Variants in CDYL observed in about 807,000 individuals in gnomAD.
CDYL encodes chromodomain Y like, also known as chromodomain Y-like protein.
A neutral mutation model predicts 47.3 loss-of-function variants in CDYL; 8 were observed. The ratio of observed to expected loss-of-function variants is 0.17; its 90% confidence interval spans 0.10 to 0.31. The LOEUF is 0.31. CDYL is among the 10% of genes least tolerant of loss of function. The probability of loss-of-function intolerance (pLI) is 1.00; values close to 1 mark genes in which losing one functional copy is unlikely to be tolerated. For synonymous variants in CDYL, 266 were observed against 265.0 expected, an observed-to-expected ratio of 1.00 and a Z score of -0.04; for missense variants, 471 against 701.4, an observed-to-expected ratio of 0.67 and a Z score of 3.71.
intron 1 of CDYL, among the ~76,000 whole-genome samples, chr6:4,791,583 C>T (rs538920011): frequency 6.6e-6 from 1 of 152,324 alleles, no homozygotes; most frequent in African/African-American, 2.4e-5. Flanking sequence ...CTTGAACTAG[C>T]TGACATCCAC....
chr6:4,880,669 C>G (rs1761739800), intron 1 of CDYL, among the ~76,000 whole-genome samples: 2 of 152,314 alleles, frequency 1.3e-5, no homozygotes, highest in South Asian at 4.1e-4. Context: ...GTGGGCCTTT[C>G]TATTGCTCCA....
At chr6:4,934,410 G>A (rs1758125273) in intron 2 of CDYL, among the ~76,000 whole-genome samples, 2 of 152,050 alleles carry the variant, frequency 1.3e-5, no homozygotes, top group Admixed American at 1.3e-4. Flanking sequence ...GTTTTGCCAG[G>A]GAGGTTATTT....
intron 2 of CDYL, among the ~76,000 whole-genome samples, chr6:4,897,949 C>T (rs1012955009): frequency 1.3e-5 from 2 of 151,664 alleles, no homozygotes; most frequent in South Asian, 2.1e-4. Flanking sequence ...CCCAGCTACT[C>T]GGGAGGCTGA....
At chr6:4,892,417 C>T in intron 2 of CDYL, 38 bp downstream of exon 2, 1 of 1,547,454 alleles carries the variant, frequency 6.5e-7, no homozygotes, top group Non-Finnish European at 8.7e-7. Context: ...CCGTGGTGAT[C>T]CCAGAGGGCT....
rs1276998101 is a variant in CDYL at position 4,832,559 on chromosome 6, T to G, written c.24+55752T>G. On this transcript the variant is annotated intron_variant, in intron 1 of 6. Transcript: ENST00000397588. ...TCTCTTTTTTGGTTGTGTCTCTGCCTGGCTTTGGTATCAGAATGATGCTGG... is the reference window on the plus strand; with the variant it reads ...TCTCTTTTTTGGTTGTGTCTCTGCCGGGCTTTGGTATCAGAATGATGCTGG... Among the ~76,000 whole-genome samples the G allele has an allele frequency of 3.3e-5, 5 of 150,716 alleles. No individual in the cohort carries two copies. The South Asian group carries it at 8.5e-4, about 26-fold the overall frequency.
At chr6:4,755,045 TTTTGTTTTTTGTTTTG>T (rs1213438775) in intron 3 of CDYL, among the ~76,000 whole-genome samples, 2 of 151,432 alleles carry the variant, frequency 1.3e-5, no homozygotes, top group African/African-American at 4.9e-5. Flanking sequence ...TGTTGTTGTT[TTTTGTTTTTTGTTTTG>T]TTTTGTTTTG....
chr6:4,923,998 G>A (rs551925575), intron 2 of CDYL, among the ~76,000 whole-genome samples: 3 of 152,198 alleles, frequency 2.0e-5, no homozygotes, highest in South Asian at 4.1e-4. Context: ...GAGTCAGGGT[G>A]AGAACCCCTG....
intron 2 of CDYL, among the ~76,000 whole-genome samples, chr6:4,724,125 T>G (rs1757435081): frequency 6.6e-6 from 1 of 152,194 alleles, no homozygotes. Flanking sequence ...ACTATAACCT[T>G]GACCTCCTGG....
At chr6:4,878,113 A>G (rs935650476) in intron 1 of CDYL, among the ~76,000 whole-genome samples, 3 of 152,116 alleles carry the variant, frequency 2.0e-5, no homozygotes, top group Admixed American at 1.3e-4. Flanking sequence ...TTTAATCATG[A>G]CATTTTAATT....
intron 2 of CDYL, among the ~76,000 whole-genome samples, chr6:4,723,524 G>A (rs1757414062): frequency 1.3e-5 from 2 of 152,126 alleles, no homozygotes; most frequent in South Asian, 2.1e-4. Context: ...CAAGAGTGGG[G>A]GCTGCCAGCA....
chr6:4,759,878 T>TAAAAAAAAAAAAA (rs1267590745), intron 3 of CDYL, among the ~76,000 whole-genome samples: 1 of 3,512 alleles, frequency 2.8e-4, no homozygotes. Flanking sequence ...AAACTCCATC[T>TAAAAAAAAAAAAA]CAAAAAAAAA....
intron 2 of CDYL, among the ~76,000 whole-genome samples, chr6:4,924,721 C>G (rs1010760345): frequency 3.3e-5 from 5 of 152,164 alleles, no homozygotes; most frequent in African/African-American, 1.2e-4. Context: ...GACTTCGATA[C>G]TGAGCAGTTG....
chr6:4,744,101 G>A (rs1275741190), intron 3 of CDYL, among the ~76,000 whole-genome samples: 1 of 152,200 alleles, frequency 6.6e-6, no homozygotes, highest in Non-Finnish European at 1.5e-5. Flanking sequence ...GTGGGGAGCT[G>A]AATCACTACT....
At position 4,882,256 on chromosome 6, in the gene CDYL, T is replaced by C. The variant is rs186822902; in HGVS notation, c.25-9457T>C. 2.0e-5 allele frequency among the ~76,000 whole-genome samples: 3 copies of C among 152,334 alleles called. No individual in the cohort carries two copies. In the East Asian group the frequency reaches 5.8e-4, roughly 29 times the overall value. ...TTGTGGTTTTTCTCAAAGAGGAGGATGGGAGTCTCATGGGTCAATGGGTGA... is the reference window on the plus strand; with the variant it reads ...TTGTGGTTTTTCTCAAAGAGGAGGACGGGAGTCTCATGGGTCAATGGGTGA... On this transcript the variant is annotated intron_variant, in intron 1 of 6. Coordinates refer to ENST00000397588, the MANE Select transcript of CDYL (RefSeq NM_004824.4).
At chr6:4,900,779 G>GTGTGTATATATATATATA in intron 2 of CDYL, among the ~76,000 whole-genome samples, 1 of 51,706 alleles carries the variant, frequency 1.9e-5, no homozygotes, top group Non-Finnish European at 4.1e-5. Flanking sequence ...GTATACGTGT[G>GTGTGTATATATATATATA]TATATATATA....
At chr6:4,875,829 T>C (rs1761604647) in intron 1 of CDYL, among the ~76,000 whole-genome samples, 1 of 152,234 alleles carries the variant, frequency 6.6e-6, no homozygotes, top group Non-Finnish European at 1.5e-5. Flanking sequence ...CGTTTTACTA[T>C]GCATCCATCC....
At chr6:4,868,149 T>G (rs1761374488) in intron 1 of CDYL, among the ~76,000 whole-genome samples, 1 of 151,838 alleles carries the variant, frequency 6.6e-6, no homozygotes. Flanking sequence ...TTCTGCTTGC[T>G]TTGGGCTGAA....
chr6:4,733,880 C>T (rs1757654366), intron 2 of CDYL, among the ~76,000 whole-genome samples: 1 of 135,878 alleles, frequency 7.4e-6, no homozygotes, highest in Non-Finnish European at 1.5e-5. Flanking sequence ...GAGACAGAGT[C>T]TCACTCTGTT....
intron 2 of CDYL, among the ~76,000 whole-genome samples, chr6:4,900,779 G>GTATATATATATATATATA (rs59594195): frequency 3.9e-5 from 2 of 51,704 alleles, no homozygotes; most frequent in Non-Finnish European, 8.3e-5. Flanking sequence ...GTATACGTGT[G>GTATATATATATATATATA]TATATATATA....
Sources: allele counts gnomAD v4.1 joint callset (sites outside exome capture counted in the v4.1 genomes callset), GRCh38; gene constraint gnomAD v4.1.1; transcripts MANE v1.5; gene names NCBI Gene and HGNC (gene_info 2026-07-23, HGNC 2026-07-21).